Variants in PLCB2 observed in about 807,000 individuals in gnomAD.
The protein encoded by PLCB2 is phospholipase C beta 2, also known as 1-phosphatidylinositol 4,5-bisphosphate phosphodiesterase beta-2.
PLCB2 carries 115 observed loss-of-function variants against 141.7 expected under a neutral mutation model. The observed-to-expected ratio is 0.81, with a 90% CI of 0.70 to 0.95. The LOEUF (loss-of-function observed/expected upper bound fraction) is 0.95, where lower values mean the gene tolerates loss of function less well. Ranked by LOEUF, PLCB2 falls within the 40% of genes least tolerant of loss-of-function variation. PLCB2 has a pLI of 0.00. For synonymous variants in PLCB2, 603 were observed against 595.6 expected, an observed-to-expected ratio of 1.01 and a Z score of -0.18; for missense variants, 1,403 against 1,541.1, an observed-to-expected ratio of 0.91 and a Z score of 1.50.
chr15:40,296,825 G>C lies in PLCB2; in HGVS notation c.1407C>G (p.Gly469=). The change falls in exon 14 of 32, where the codon GGC becomes GGG. Residue 469 remains glycine, a synonymous_variant. Coordinates refer to ENST00000260402, the MANE Select transcript of PLCB2 (RefSeq NM_004573.3). Reference sequence around the variant, plus strand: ...CAGTATCCTTACTGGAGGAGGTGGGGCCAGAAAACTGGTTCTTCTTGTTCT... The same window carrying C: ...CAGTATCCTTACTGGAGGAGGTGGGCCCAGAAAACTGGTTCTTCTTGTTCT... ...LIKNKKNQFS[G]PTSSSKDTGG... 6.2e-7 allele frequency: 1 copy of C among 1,614,128 alleles called. No individual in the cohort carries two copies. Among genetic ancestry groups the C allele is most frequent in the Non-Finnish European group, 8.5e-7 (1 of 1,179,982 alleles).
In PLCB2 at chr15:40,295,035, T is replaced by C; in HGVS notation, c.1807A>G (p.Ile603Val). 6.2e-7 allele frequency: 1 copy of C among 1,613,474 alleles called. No individual in the cohort carries two copies. The highest frequency in any genetic ancestry group is 1.7e-4 in the Middle Eastern group (1 of 6,056). ...VDYNKRQMSRIYPKGTRMDSS... is the reference protein window; with the variant it reads ...VDYNKRQMSRVYPKGTRMDSS... ...TCCATGCGGGTTCCCTTGGGGTAAATGCGGCTCATCTGGCGCTTGTTGTAG... is the reference window on the plus strand; with the variant it reads ...TCCATGCGGGTTCCCTTGGGGTAAACGCGGCTCATCTGGCGCTTGTTGTAG... Residue 603 changes from isoleucine (I) to valine (V), a missense_variant, in exon 18 of 32, where the codon ATT (isoleucine) becomes GTT (valine). By Grantham distance (29) the Ile-to-Val change is conservative. Coordinates refer to ENST00000260402, the MANE Select transcript of PLCB2 (RefSeq NM_004573.3).
chr15:40,294,920 C>A lies in PLCB2; in HGVS notation c.1906+16G>T. The stretch of plus-strand genomic sequence containing the variant: ...GGACCAGGGAAGGATTCTTAGGGGC[C>A]TGGGAATGCCCTCACCCATCGTCTG... On this transcript the variant is annotated intron_variant, in intron 18 of 31. Coordinates refer to ENST00000260402, the MANE Select transcript of PLCB2 (RefSeq NM_004573.3). 2 of 1,614,020 alleles carry A rather than the reference C, an allele frequency of 1.2e-6. No individual in the cohort carries two copies. The highest frequency in any genetic ancestry group is 1.7e-6 in the Non-Finnish European group (2 of 1,179,930).
intron 20 of PLCB2, 133 bp downstream of exon 20, chr15:40,293,427 C>G: frequency 1.1e-6 from 1 of 884,838 alleles, no homozygotes; most frequent in Non-Finnish European, 1.8e-6. Flanking sequence ...ACTCTTGAAA[C>G]AGGAGGGCCC....
At position 40,290,033 on chromosome 15, in the gene PLCB2, T is replaced by G; in HGVS notation, c.3259A>C (p.Ile1087Leu). The part of the protein sequence containing the change: ...NSHIQEVVQV[I>L]KQMTENLERH... ...ACACAGCCCTTACACACCTGCTTGA[T>G]CACCTGCACTACTTCCTGGATGTGG... The change falls in exon 30 of 32, where the codon ATC becomes CTC. Residue 1087 changes from isoleucine to leucine, a missense_variant. This residue lies in a region of PLCB2 where 132 missense variants were observed against 132.4 expected (regional missense o/e 1.00). Coordinates refer to ENST00000260402, the MANE Select transcript of PLCB2 (RefSeq NM_004573.3). 6.3e-7 allele frequency: 1 copy of G among 1,595,832 alleles called. No individual in the cohort carries two copies. The highest frequency in any genetic ancestry group is 8.6e-7 in the Non-Finnish European group (1 of 1,163,798).
intron 21 of PLCB2, 65 bp from the exon 22 acceptor site, chr15:40,292,508 G>T: frequency 8.8e-7 from 1 of 1,131,698 alleles, no homozygotes; most frequent in Non-Finnish European, 1.3e-6. Context: ...TGCACACACA[G>T]CCTAGGACCC....
Position 40,295,301 on chromosome 15 carries a change from AGGGAG to A in PLCB2, c.1697-21_1697-17del. 1.3e-6 allele frequency: 2 copies of A among 1,573,988 alleles called. No homozygotes were observed. The highest frequency in any genetic ancestry group is 1.7e-6 in the Non-Finnish European group (2 of 1,143,630). On this transcript the variant is annotated splice_polypyrimidine_tract_variant and intron_variant, in intron 16 of 31. Coordinates refer to ENST00000260402, the MANE Select transcript of PLCB2 (RefSeq NM_004573.3). ...CGGTTCTTTTCTATATAGGGGAGAA[AGGGAG>A]GGGAGGAGTTTTATCAGGCTGTCCC...
At chr15:40,306,350 G>C (rs1231373708) in intron 1 of PLCB2, among the ~76,000 whole-genome samples, 2 of 152,150 alleles carry the variant, frequency 1.3e-5, no homozygotes, top group African/African-American at 4.8e-5. Context: ...GAAGGGAACA[G>C]CCAGGTACAC....
chr15:40,296,859 A>G lies in PLCB2; in HGVS notation c.1373T>C (p.Ile458Thr). ...CTGGTTCTTCTTGTTCTTGATGAGG[A>G]TCTTGCCCCTGAGATCCTCAGGGCT... ...LPSPEDLRGKILIKNKKNQFS... is the reference protein window; with the variant it reads ...LPSPEDLRGKTLIKNKKNQFS... The change falls in exon 14 of 32, where the codon ATC becomes ACC. Residue 458 changes from isoleucine (I) to threonine (T), a missense_variant. This residue lies in a region of PLCB2 where 975 missense variants were observed against 1,141.1 expected (regional missense o/e 0.85). Coordinates refer to ENST00000260402, the MANE Select transcript of PLCB2 (RefSeq NM_004573.3). The G allele has an allele frequency of 1.2e-6, 2 of 1,614,018 alleles. No homozygotes were observed. Among genetic ancestry groups the G allele is most frequent in the Non-Finnish European group, 1.7e-6 (2 of 1,179,984 alleles).
Position 40,292,436 on chromosome 15 carries a change from G to T in PLCB2, c.2334C>A (p.His778Gln). 2 of 1,611,416 alleles carry T rather than the reference G, an allele frequency of 1.2e-6. No homozygotes were observed. Among genetic ancestry groups the T allele is most frequent in the African/African-American group, 1.3e-5 (1 of 74,976 alleles). The change falls in exon 22 of 32, where the codon CAC becomes CAA. Residue 778 changes from histidine to glutamine, a missense_variant. His to Gln is a conservative substitution (Grantham distance 24). Coordinates refer to ENST00000260402, the MANE Select transcript of PLCB2 (RefSeq NM_004573.3). Reference sequence around the variant, plus strand: ...TGCTCTCACTGTGCAGGCACAGGTGGTGGTACCCTGTGAGACAGGACAGGG... The same window carrying T: ...TGCTCTCACTGTGCAGGCACAGGTGTTGGTACCCTGTGAGACAGGACAGGG... ...IPINALNSGYHHLCLHSESNM... is the reference protein window; with the variant it reads ...IPINALNSGYQHLCLHSESNM...
chr15:40,303,278 A>G lies in PLCB2; in HGVS notation c.231+10T>C, dbSNP rs1370559931. The stretch of plus-strand genomic sequence containing the variant: ...GTGCTTGAGCCTGGGCTGCTACTGG[A>G]CACACCTACCTTGGGCATCTTGGCA... On this transcript the variant is annotated intron_variant, in intron 3 of 31. Transcript: ENST00000260402. 3 of 1,605,218 alleles carry G rather than the reference A, an allele frequency of 1.9e-6. No individual in the cohort carries two copies. The highest frequency in any genetic ancestry group is 2.6e-6 in the Non-Finnish European group (3 of 1,172,042).
rs766714627 is a variant in PLCB2, at chr15:40,292,334, C to T, written c.2431+5G>A. 6.2e-7 allele frequency: 1 copy of T among 1,601,958 alleles called. No individual in the cohort carries two copies. Among genetic ancestry groups the T allele is most frequent in the South Asian group, 1.1e-5 (1 of 90,674 alleles). ...CGAGGCTCCTGGCATGCCATGGGCT[C>T]CTACCTGCCCAAGCACCAGGTATGT... On this transcript the variant is annotated splice_donor_5th_base_variant and intron_variant, in intron 22 of 31. Transcript: ENST00000260402.
chr15:40,289,962 AGAGAGAGTGTGT>A lies in PLCB2; in HGVS notation c.3267+51_3267+62del, dbSNP rs1445232260. 35 of 618,354 alleles carry A rather than the reference AGAGAGAGTGTGT, an allele frequency of 5.7e-5. No individual in the cohort carries two copies. The Middle Eastern group carries it at 1.9e-3, about 33-fold the overall frequency. 38.3% of individuals were successfully genotyped at this position (618,354 alleles called of 1,614,324 possible). A position where few individuals can be genotyped will look rare whatever the true frequency, so the allele number is the denominator to read the frequency against. Reference sequence around the variant, plus strand: ...GAGAGAGAGAGAGAGAGAGAGAGAGAGAGAGAGTGTGTGTGTGTGTGTGTGTGTGTGTGTGTT... The same window carrying A: ...GAGAGAGAGAGAGAGAGAGAGAGAGAGTGTGTGTGTGTGTGTGTGTGTGTT... On this transcript the variant is annotated intron_variant, in intron 30 of 31. Transcript: ENST00000260402.
At chr15:40,287,596 T>C (rs184618732), downstream of PLCB2, among the ~76,000 whole-genome samples, 8 of 152,132 alleles carry the variant, frequency 5.3e-5, no homozygotes, top group African/African-American at 1.9e-4. Context: ...CCCCCTAAAA[T>C]AGGGGACATC....
At chr15:40,300,369 C>T (rs1374551168) in intron 7 of PLCB2, among the ~76,000 whole-genome samples, 2 of 152,176 alleles carry the variant, frequency 1.3e-5, no homozygotes, top group African/African-American at 2.4e-5. Flanking sequence ...AACAGTTTGG[C>T]GGTTTCTCAA....
rs376204317 is a variant in PLCB2 at position 40,290,868 on chromosome 15, A to C, written c.3037-31T>G. On this transcript the variant is annotated intron_variant, in intron 27 of 31. Transcript: ENST00000260402. The stretch of plus-strand genomic sequence containing the variant: ...GGGAGAGGAAGTAAGCTTGGCGAGA[A>C]GCCCTTTGTTGTTCAGAGGGAGTAC... The C allele has an allele frequency of 7.2e-6, 11 of 1,523,386 alleles. No homozygotes were observed. In the African/African-American group the frequency reaches 1.4e-4, roughly 20 times the overall value. The allele number at this position is 1,523,386 out of a possible 1,614,324, so 94.4% of individuals were successfully genotyped here. A position where few individuals can be genotyped will look rare whatever the true frequency, so the allele number is the denominator to read the frequency against.
chr15:40,286,602 C>A (rs568364673), downstream of PLCB2, among the ~76,000 whole-genome samples: 4 of 152,274 alleles, frequency 2.6e-5, no homozygotes, highest in East Asian at 5.8e-4. Flanking sequence ...GTGAAGGGAG[C>A]CTTGCCCCAG....
chr15:40,292,412 G>C lies in PLCB2; in HGVS notation c.2358C>G (p.Ser786Arg). The stretch of plus-strand genomic sequence containing the variant: ...GCGCAGGCATGGTGAGGGGCATGTT[G>C]CTCTCACTGTGCAGGCACAGGTGGT... ...GYHHLCLHSE[S>R]NMPLTMPALF... Residue 786 changes from serine (S) to arginine (R), a missense_variant, in exon 22 of 32, where the codon AGC becomes AGG. Physicochemically the swap from Ser to Arg is moderately radical, Grantham distance 110. Around this residue, in one of 4 missense-constraint regions of PLCB2, gnomAD observed 975 missense variants for 1,141.1 expected, o/e 0.85. Coordinates refer to ENST00000260402, the MANE Select transcript of PLCB2 (RefSeq NM_004573.3). The C allele has an allele frequency of 6.2e-7, 1 of 1,613,730 alleles. No individual in the cohort carries two copies. The highest frequency in any genetic ancestry group is 2.2e-5 in the East Asian group (1 of 44,870).
At position 40,290,060 on chromosome 15, in the gene PLCB2, A is replaced by C. The variant is rs935621476; in HGVS notation, c.3232T>G (p.Ser1078Ala). Residue 1078 changes from serine (S) to alanine (A), a missense_variant, in exon 30 of 32, where the codon TCC becomes GCC. Ser to Ala is a moderately conservative substitution (Grantham distance 99). Coordinates refer to ENST00000260402, the MANE Select transcript of PLCB2 (RefSeq NM_004573.3). ...QERLKREINN[S>A]HIQEVVQVIK... ...ACCTGCACTACTTCCTGGATGTGGG[A>C]GTTGTTAATCTCTCTCTTCAACCTG... The C allele has an allele frequency of 1.2e-6, 2 of 1,610,608 alleles. No homozygotes were observed. The highest frequency in any genetic ancestry group is 2.7e-5 in the African/African-American group (2 of 74,600).
chr15:40,290,893 C>T, intron 27 of PLCB2, 56 bp from the exon 28 acceptor site: 3 of 780,312 alleles, frequency 3.8e-6, no homozygotes, highest in African/African-American at 2.6e-5. Flanking sequence ...AGAGGGAGTA[C>T]GGGGGGCGGG....
Sources: gnomAD v4.1 joint callset for allele counts (sites outside exome capture counted in the v4.1 genomes callset) on GRCh38, gnomAD v4.1.1 for gene constraint, gnomAD v4.1.1 regional missense constraint, MANE v1.5 for transcripts, NCBI Gene and HGNC (gene_info 2026-07-23, HGNC 2026-07-21) for gene names.